The following BACH2 variants were observed in gnomAD, a reference collection of about 807,000 sequenced individuals.
BACH2 encodes transcription regulator protein BACH2.
BACH2 carries 5 observed loss-of-function variants against 61.8 expected under a neutral mutation model. The ratio of observed to expected loss-of-function variants is 0.08; its 90% CI spans 0.04 to 0.17. The LOEUF (loss-of-function observed/expected upper bound fraction) is 0.17. Among genes scored for constraint, BACH2 ranks in the 10% least tolerant of loss-of-function variants. The probability of loss-of-function intolerance (pLI) is 1.00; values close to 1 mark genes in which losing one functional copy is unlikely to be tolerated. For synonymous variants in BACH2, 446 were observed against 440.1 expected, an observed-to-expected ratio of 1.01 and a Z score of -0.17; for missense variants, 824 against 1,091.1, an observed-to-expected ratio of 0.76 and a Z score of 3.45.
Position 90,129,132 on chromosome 6 carries a change from T to A in BACH2, c.-161-40023A>T, listed in dbSNP as rs574000310. Reference sequence around the variant, plus strand: ...TACCTAATGCTAAATGACGAGTTAATGGGTGCAGCACACCAATATGGCACA... The same window carrying A: ...TACCTAATGCTAAATGACGAGTTAAAGGGTGCAGCACACCAATATGGCACA... On this transcript the variant is annotated intron_variant, in intron 4 of 8. Coordinates refer to ENST00000257749, the MANE Select transcript of BACH2 (RefSeq NM_021813.4). Among the ~76,000 whole-genome samples, 3 of 152,228 alleles carry A rather than the reference T, an allele frequency of 2.0e-5. No homozygotes were observed. In the East Asian group the frequency reaches 5.8e-4, roughly 29 times the overall value.
chr6:90,054,391 A>C (rs1780212933), intron 5 of BACH2, among the ~76,000 whole-genome samples: 1 of 152,222 alleles, frequency 6.6e-6, no homozygotes, highest in South Asian at 2.1e-4. Context: ...TCTGAGATCA[A>C]ACTGCAAGGC....
chr6:90,027,200 G>A (rs1053481705), intron 5 of BACH2, among the ~76,000 whole-genome samples: 1 of 152,152 alleles, frequency 6.6e-6, no homozygotes, highest in Non-Finnish European at 1.5e-5. Context: ...ATGTTAACAC[G>A]CAGGTCAAAT....
At chr6:90,270,365 G>C (rs764887111) in intron 2 of BACH2, among the ~76,000 whole-genome samples, 1 of 152,076 alleles carries the variant, frequency 6.6e-6, no homozygotes, top group South Asian at 2.1e-4. Flanking sequence ...AAAGCTCCTA[G>C]ATCAGTAAGG....
chr6:90,030,784 G>A (rs371359012), intron 5 of BACH2, among the ~76,000 whole-genome samples: 9 of 151,428 alleles, frequency 5.9e-5, no homozygotes, highest in Non-Finnish European at 8.8e-5. Context: ...TACAAGGAGG[G>A]GCTGGTACCA....
At chr6:89,938,113 G>A in intron 8 of BACH2, 31 bp downstream of exon 8, 1 of 1,594,014 alleles carries the variant, frequency 6.3e-7, no homozygotes, top group Non-Finnish European at 8.6e-7. Context: ...GTCACTTCAG[G>A]TTGCTGATCA....
At chr6:90,188,255 T>C (rs547520727) in intron 4 of BACH2, among the ~76,000 whole-genome samples, 18 of 152,348 alleles carry the variant, frequency 1.2e-4, no homozygotes, top group African/African-American at 4.1e-4. Flanking sequence ...TTTTTCCTGA[T>C]AGAATGTCAG....
intron 5 of BACH2, among the ~76,000 whole-genome samples, chr6:90,066,584 T>A (rs1435367853): frequency 6.6e-6 from 1 of 152,144 alleles, no homozygotes; most frequent in African/African-American, 2.4e-5. Context: ...CAGCTCCTGA[T>A]AAACACCAAA....
intron 5 of BACH2, among the ~76,000 whole-genome samples, chr6:90,030,172 T>C (rs1247458034): frequency 6.6e-6 from 1 of 152,136 alleles, no homozygotes; most frequent in East Asian, 1.9e-4. Context: ...CCCCCTTATG[T>C]CCACGGCCTA....
At chr6:90,237,538 A>G (rs1162747876) in intron 3 of BACH2, among the ~76,000 whole-genome samples, 2 of 152,202 alleles carry the variant, frequency 1.3e-5, no homozygotes, top group African/African-American at 2.4e-5. Flanking sequence ...ATGCACACTT[A>G]TATCACTAGA....
chr6:90,004,326 A>G (rs1168158610), intron 6 of BACH2, among the ~76,000 whole-genome samples: 2 of 152,200 alleles, frequency 1.3e-5, no homozygotes, highest in Non-Finnish European at 2.9e-5. Flanking sequence ...AAAGATAGTG[A>G]GCACAAGCGA....
At chr6:90,276,099 A>G (rs568834466) in intron 1 of BACH2, among the ~76,000 whole-genome samples, 5 of 152,224 alleles carry the variant, frequency 3.3e-5, no homozygotes, top group Non-Finnish European at 7.3e-5. Flanking sequence ...TTTATAAAGG[A>G]GAGGCTTTCA....
chr6:90,275,512 C>A (rs964601247), intron 1 of BACH2, among the ~76,000 whole-genome samples: 1 of 152,102 alleles, frequency 6.6e-6, no homozygotes, highest in African/African-American at 2.4e-5. Flanking sequence ...ATTTACTTAA[C>A]TTTTACCTTC....
intron 4 of BACH2, among the ~76,000 whole-genome samples, chr6:90,102,741 G>T (rs1437580206): frequency 6.6e-6 from 1 of 150,390 alleles, no homozygotes; most frequent in East Asian, 1.9e-4. Flanking sequence ...AGTGAGCCGA[G>T]ATTGCGCCAT....
chr6:89,984,232 T>C (rs1776114719), intron 6 of BACH2, among the ~76,000 whole-genome samples: 2 of 152,194 alleles, frequency 1.3e-5, no homozygotes, highest in African/African-American at 4.8e-5. Flanking sequence ...AATTACAAGA[T>C]GTCCACAAAA....
rs200675044 is a variant in BACH2 at position 90,092,280 on chromosome 6, T to TAAAAAAAAAAAAAAAAAAAA, written c.-161-3172_-161-3171insTTTTTTTTTTTTTTTTTTTT. 1.3e-4 allele frequency among the ~76,000 whole-genome samples: 10 copies of TAAAAAAAAAAAAAAAAAAAA among 77,154 alleles called. 2 individuals carry two copies. The highest frequency in any genetic ancestry group is 1.5e-3 in the East Asian group (1 of 682). 50.6% of individuals were successfully genotyped at this position (77,154 alleles called of 152,430 possible). ...CTGTGCAATTGGCACACTGTCAAAG[T>TAAAAAAAAAAAAAAAAAAAA]AAAAAAAAAAAATATATATATATAT... On this transcript the variant is annotated intron_variant, in intron 4 of 8. Coordinates refer to ENST00000257749, the MANE Select transcript of BACH2 (RefSeq NM_021813.4).
At chr6:89,944,061 A>G (rs372036540) in intron 7 of BACH2, among the ~76,000 whole-genome samples, 1 of 152,220 alleles carries the variant, frequency 6.6e-6, no homozygotes, top group African/African-American at 2.4e-5. Flanking sequence ...TTCTCGCGCA[A>G]TTGTCCTTCC....
intron 1 of BACH2, among the ~76,000 whole-genome samples, chr6:90,279,509 C>T (rs1031243201): frequency 2.1e-4 from 27 of 128,350 alleles, no homozygotes; most frequent in Middle Eastern, 5.0e-3. Flanking sequence ...GGCGACAGAG[C>T]GAGACTCCGT....
Position 90,040,622 on chromosome 6 carries a change from T to C in BACH2, c.-12-31766A>G, listed in dbSNP as rs1779488164. Among the ~76,000 whole-genome samples, 3 of 152,274 alleles carry C rather than the reference T, an allele frequency of 2.0e-5. No homozygotes were observed. In the South Asian group the frequency reaches 6.2e-4, roughly 32 times the overall value. On this transcript the variant is annotated intron_variant, in intron 5 of 8. Transcript: ENST00000257749. ...ACATTAAATTTGTGATGTTGAGGTTTTCTGTCCAAGGACATGGATTGTCTT... is the reference window on the plus strand; with the variant it reads ...ACATTAAATTTGTGATGTTGAGGTTCTCTGTCCAAGGACATGGATTGTCTT...
chr6:90,208,874 TA>T (rs1219345335), intron 3 of BACH2, among the ~76,000 whole-genome samples: 2 of 151,996 alleles, frequency 1.3e-5, no homozygotes, highest in Non-Finnish European at 2.9e-5. Context: ...TATGCAGCCA[TA>T]AAAAAGGATG....
Sources: gnomAD v4.1 joint callset for allele counts (sites outside exome capture counted in the v4.1 genomes callset) on GRCh38, gnomAD v4.1.1 for gene constraint, MANE v1.5 for transcripts, NCBI Gene and HGNC (gene_info 2026-07-23, HGNC 2026-07-21) for gene names.